POSTN: variants seen among roughly 807,000 people sequenced by gnomAD.
The protein encoded by POSTN is osteoblast specific factor 2 (fasciclin I-like).
POSTN carries 71 observed loss-of-function variants against 104.5 expected under a neutral mutation model. That is an observed-to-expected ratio of 0.68 (90% CI 0.56 to 0.83). The LOEUF is 0.83. Ranked by LOEUF, POSTN falls within the 40% of genes least tolerant of loss-of-function variation. POSTN has a pLI of 0.00. For synonymous variants in POSTN, 355 were observed against 340.7 expected (o/e 1.04, Z -0.46); for missense variants, 949 against 1,006.8 (o/e 0.94, Z 0.78).
intron 5 of POSTN, among the ~76,000 whole-genome samples, chr13:37,587,538 G>A (rs1342508668): frequency 1.3e-5 from 2 of 152,068 alleles, no homozygotes; most frequent in African/African-American, 2.4e-5. Context: ...TTGCTACTAC[G>A]ATAAATTATT....
intron 2 of POSTN, among the ~76,000 whole-genome samples, chr13:37,596,912 C>G (rs900073798): frequency 1.3e-5 from 2 of 152,288 alleles, no homozygotes; most frequent in African/African-American, 2.4e-5. Flanking sequence ...TTTACTCACA[C>G]GGATTCTATA....
At chr13:37,584,562 G>A (rs1950689924) in intron 8 of POSTN, among the ~76,000 whole-genome samples, 154 bp downstream of exon 8, 1 of 152,140 alleles carries the variant, frequency 6.6e-6, no homozygotes, top group East Asian at 1.9e-4. Context: ...TATCTATGGA[G>A]TGCTCAAGTA....
At chr13:37,591,806 C>T (rs2138374398) in intron 3 of POSTN, among the ~76,000 whole-genome samples, 1 of 152,142 alleles carries the variant, frequency 6.6e-6, no homozygotes, top group Non-Finnish European at 1.5e-5. Flanking sequence ...GTTCCATGTT[C>T]CTAGACAAGT....
chr13:37,579,912 T>C lies in POSTN; in HGVS notation c.1609A>G (p.Thr537Ala), dbSNP rs1362698603. The C allele has an allele frequency of 6.2e-7, 1 of 1,613,844 alleles. No homozygotes were observed. The highest frequency in any genetic ancestry group is 1.7e-5 in the Admixed American group (1 of 60,004). The change falls in exon 12 of 23, where the codon ACC becomes GCC. Residue 537 changes from threonine (T) to alanine (A), a missense_variant. Transcript: ENST00000379747. ...QPGDWTLFVP[T>A]NDAFKGMTSE... ...GTCATTCCCTTAAAAGCATCATTGG[T>C]TGGCACAAATAATGTCCAGTCTCCA...
In POSTN at chr13:37,570,288, T is replaced by TAACA. The variant is rs1285987823; in HGVS notation, c.2269+288_2269+291dup. On this transcript the variant is annotated intron_variant, in intron 19 of 22. Coordinates refer to ENST00000379747, the MANE Select transcript of POSTN (RefSeq NM_006475.3). ...TTTCTTCTAGGGTCCTCTAACTCAT[T>TAACA]AACAAACAGTAAAGTGAAAATGGAA... Among the ~76,000 whole-genome samples the TAACA allele has an allele frequency of 5.3e-5, 8 of 151,802 alleles. No homozygotes were observed. The East Asian group carries it at 1.2e-3, about 22-fold the overall frequency.
intron 6 of POSTN, 96 bp from the exon 7 acceptor site, chr13:37,586,376 C>A: frequency 7.8e-7 from 1 of 1,277,120 alleles, no homozygotes; most frequent in South Asian, 1.5e-5. Context: ...GGAGCTGATT[C>A]CTACACTATA....
intron 7 of POSTN, 43 bp from the exon 8 acceptor site, chr13:37,584,971 A>G (rs1476988496): frequency 1.9e-6 from 3 of 1,604,676 alleles, no homozygotes; most frequent in Non-Finnish European, 2.6e-6. Context: ...GATCAAGGGA[A>G]ATAACATTTG....
In POSTN at chr13:37,563,310, ATTTT is replaced by A. The variant is rs1453023821; in HGVS notation, c.*19_*22del. The A allele has an allele frequency of 6.4e-7, 1 of 1,556,736 alleles. No individual in the cohort carries two copies. The highest frequency in any genetic ancestry group is 8.8e-7 in the Non-Finnish European group (1 of 1,134,112). ...GTTATTGACTTAGGGTTGTATAAAC[ATTTT>A]TTTCTGGTTTTTGGATTTTCACTGA... On this transcript the variant is annotated 3_prime_UTR_variant, in exon 23 of 23. Transcript: ENST00000379747.
At chr13:37,566,713 C>CT (rs1422125708) in intron 21 of POSTN, among the ~76,000 whole-genome samples, 2 of 152,070 alleles carry the variant, frequency 1.3e-5, no homozygotes, top group Non-Finnish European at 2.9e-5. Flanking sequence ...GTTGTTGTTC[C>CT]TTTCGACATA....
chr13:37,597,154 G>A (rs73182694), intron 2 of POSTN, 30 bp downstream of exon 2: 14,826 of 1,425,720 alleles, frequency 0.01, 99 homozygotes, highest in Non-Finnish European at 0.013. Flanking sequence ...TTTTGGAACT[G>A]ACATATTATG....
At chr13:37,582,281 C>G (rs1217927340) in intron 10 of POSTN, 85 bp downstream of exon 10, 3 of 1,431,012 alleles carry the variant, frequency 2.1e-6, no homozygotes, top group African/African-American at 1.4e-5. Context: ...GAACCACACT[C>G]ATAAAATTCT....
intron 9 of POSTN, 113 bp from the exon 10 acceptor site, chr13:37,582,627 G>T: frequency 1.0e-6 from 1 of 997,746 alleles, no homozygotes; most frequent in Non-Finnish European, 1.4e-6. Flanking sequence ...TGATATCATG[G>T]ATTTTGCACT....
At chr13:37,566,123 A>G (rs1950091580) in intron 21 of POSTN, among the ~76,000 whole-genome samples, 1 of 152,180 alleles carries the variant, frequency 6.6e-6, no homozygotes, top group African/African-American at 2.4e-5. Context: ...AATACTTTGA[A>G]AGAACAGCTT....
rs1266685081 is a variant in POSTN at position 37,586,904 on chromosome 13, T to C, written c.631A>G (p.Ile211Val). The change falls in exon 6 of 23, where the codon ATC (isoleucine) becomes GTC (valine). Residue 211 changes from isoleucine to valine, a missense_variant. Coordinates refer to ENST00000379747, the MANE Select transcript of POSTN (RefSeq NM_006475.3). ...GTTGCAATCTGGTTCCCATGGATGA[T>C]TCGAGCACAATTAACAGTGACAACC... The part of the protein sequence containing the change: ...NGVVTVNCAR[I>V]IHGNQIATNG... 1 of 1,613,504 alleles carries C rather than the reference T, an allele frequency of 6.2e-7. No individual in the cohort carries two copies. Among genetic ancestry groups the C allele is most frequent in the Non-Finnish European group, 8.5e-7 (1 of 1,179,666 alleles).
At position 37,580,009 on chromosome 13, in the gene POSTN, A is replaced by G. The variant is rs1357461628; in HGVS notation, c.1530-18T>C. 4 of 1,608,446 alleles carry G rather than the reference A, an allele frequency of 2.5e-6. No homozygotes were observed. The highest frequency in any genetic ancestry group is 2.2e-5 in the East Asian group (1 of 44,824). On this transcript the variant is annotated intron_variant, in intron 11 of 22. Transcript: ENST00000379747. Reference sequence around the variant, plus strand: ...GGAAGGTGCTAAGTGGGAAGAATGTATATGTATTTTGTCAGATTTAGATTT... The same window carrying G: ...GGAAGGTGCTAAGTGGGAAGAATGTGTATGTATTTTGTCAGATTTAGATTT...
chr13:37,567,080 C>CA (rs1290528973), intron 21 of POSTN, among the ~76,000 whole-genome samples: 21 of 146,570 alleles, frequency 1.4e-4, no homozygotes, highest in Non-Finnish European at 2.7e-4. Flanking sequence ...ACTAAAAATA[C>CA]AAAACATTAG....
At chr13:37,592,027 G>C (rs535059264) in intron 3 of POSTN, 73 bp downstream of exon 3, 6 of 988,334 alleles carry the variant, frequency 6.1e-6, no homozygotes, top group Non-Finnish European at 9.6e-6. Flanking sequence ...TACACAATTG[G>C]CTTCTCCACA....
Position 37,584,763 on chromosome 13 carries a change from T to C in POSTN, c.1061A>G (p.Asn354Ser), listed in dbSNP as rs753877634. 6.2e-7 allele frequency: 1 copy of C among 1,613,944 alleles called. No homozygotes were observed. Among genetic ancestry groups the C allele is most frequent in the Non-Finnish European group, 8.5e-7 (1 of 1,179,914 alleles). ...KMVNKKDIVT[N>S]NGVIHLIDQV... Reference sequence around the variant, plus strand: ...ATCAATCAAATGGATCACACCATTATTTGTCACAATATCCTTTTTGTTCAC... The same window carrying C: ...ATCAATCAAATGGATCACACCATTACTTGTCACAATATCCTTTTTGTTCAC... Residue 354 changes from asparagine to serine, a missense_variant, in exon 8 of 23, where the codon AAT becomes AGT. Asn to Ser is a conservative substitution (Grantham distance 46). Coordinates refer to ENST00000379747, the MANE Select transcript of POSTN (RefSeq NM_006475.3).
In POSTN at chr13:37,598,694, T is replaced by C. The variant is rs578095683; in HGVS notation, c.33A>G (p.Leu11=). The change falls in exon 1 of 23, where the codon CTA becomes CTG. Residue 11 remains leucine, a synonymous_variant. Coordinates refer to ENST00000379747, the MANE Select transcript of POSTN (RefSeq NM_006475.3). ...TTATAGGGTTAACAATAAGCAGCAA[T>C]AGTAGAGAAAACATGGGTAAAAAGG... MIPFLPMFSL[L]LLLIVNPINA... The C allele has an allele frequency of 4.0e-5, 65 of 1,613,218 alleles. No individual in the cohort carries two copies. The highest frequency in any genetic ancestry group is 2.0e-4 in the South Asian group (18 of 91,040).
Sources: gnomAD v4.1 joint callset for allele counts (sites outside exome capture counted in the v4.1 genomes callset) on GRCh38, gnomAD v4.1.1 for gene constraint, MANE v1.5 for transcripts, NCBI Gene and HGNC (gene_info 2026-07-23, HGNC 2026-07-21) for gene names.